Variants in FZD3 observed in about 807,000 individuals in gnomAD.
FZD3 encodes the protein frizzled class receptor 3.
Under a neutral mutation model 60.7 loss-of-function variants are expected in FZD3, and 30 were observed. That is an observed-to-expected ratio of 0.49 (90% confidence interval 0.37 to 0.67). The LOEUF is 0.67. FZD3 is among the 30% of genes least tolerant of loss of function. The probability of loss-of-function intolerance (pLI) is 0.00; values close to 1 mark genes in which losing one functional copy is unlikely to be tolerated. For missense variants in FZD3, 605 were observed against 838.7 expected (o/e 0.72, Z 3.44); for synonymous variants, 246 against 275.2 (o/e 0.89, Z 1.05).
At chr8:28,535,822 C>T (rs1260060089) in intron 5 of FZD3, among the ~76,000 whole-genome samples, 1 of 151,938 alleles carries the variant, frequency 6.6e-6, no homozygotes, top group Non-Finnish European at 1.5e-5. Context: ...TAATAATTTC[C>T]TCTATTTTTA....
At chr8:28,528,316 G>GTAAA in intron 5 of FZD3, 152 bp downstream of exon 5, 1 of 620,506 alleles carries the variant, frequency 1.6e-6, no homozygotes, top group Non-Finnish European at 2.8e-6. Flanking sequence ...ATATGTTGTA[G>GTAAA]TAAATATGTA....
chr8:28,554,080 A>G (rs535051930), intron 6 of FZD3, among the ~76,000 whole-genome samples: 2 of 152,372 alleles, frequency 1.3e-5, no homozygotes, highest in Admixed American at 1.3e-4. Context: ...ACATTGTGCT[A>G]ATCAAATTAA....
intron 3 of FZD3, among the ~76,000 whole-genome samples, chr8:28,507,850 A>G (rs774994786): frequency 6.6e-6 from 1 of 152,042 alleles, no homozygotes. Context: ...TTGAGGCTCA[A>G]AATATTCCAT....
In FZD3 at chr8:28,526,415, C is replaced by G. The variant is rs140888498; in HGVS notation, c.387-732C>G. 1.0e-3 allele frequency among the ~76,000 whole-genome samples: 157 copies of G among 152,182 alleles called. 1 individual carries two copies. The South Asian group carries it at 0.017, about 16-fold the overall frequency. The stretch of plus-strand genomic sequence containing the variant: ...TGTGAAGTCTTTCATAGTTCCTTCC[C>G]CTTATGTAACTAATCTCTGTCTTTA... On this transcript the variant is annotated intron_variant, in intron 4 of 7. Coordinates refer to ENST00000240093, the MANE Select transcript of FZD3 (RefSeq NM_017412.4).
At chr8:28,523,112 T>C (rs919486944) in intron 4 of FZD3, among the ~76,000 whole-genome samples, 1 of 152,170 alleles carries the variant, frequency 6.6e-6, no homozygotes, top group Non-Finnish European at 1.5e-5. Context: ...CTTTCATAGC[T>C]CTCATACTTT....
chr8:28,561,546 C>T (rs1408554846), intron 7 of FZD3, among the ~76,000 whole-genome samples: 1 of 151,402 alleles, frequency 6.6e-6, no homozygotes, highest in East Asian at 1.9e-4. Flanking sequence ...TTAACGCTTT[C>T]TGACAGCCAA....
At chr8:28,524,325 T>C (rs549399197) in intron 4 of FZD3, among the ~76,000 whole-genome samples, 1 of 152,358 alleles carries the variant, frequency 6.6e-6, no homozygotes, top group Admixed American at 6.5e-5. Flanking sequence ...GACCTCCAAA[T>C]AGACTGATTA....
intron 7 of FZD3, among the ~76,000 whole-genome samples, chr8:28,557,296 T>G (rs889914446): frequency 2.0e-5 from 3 of 151,858 alleles, no homozygotes; most frequent in Admixed American, 6.6e-5. Context: ...TGCTAAATAT[T>G]TTTTGGGGTG....
chr8:28,554,107 G>T (rs1047574964), intron 6 of FZD3, among the ~76,000 whole-genome samples: 3 of 152,216 alleles, frequency 2.0e-5, no homozygotes, highest in Non-Finnish European at 2.9e-5. Context: ...CCCCTTAAGT[G>T]AAGCCAGATT....
intron 5 of FZD3, 111 bp from the exon 6 acceptor site, chr8:28,551,492 G>A (rs545844465): frequency 1.3e-6 from 1 of 797,904 alleles, no homozygotes; most frequent in East Asian, 2.9e-5. Context: ...CTCCAGCCTG[G>A]GTGACAAGAA....
In FZD3 at chr8:28,496,096, TC is replaced by T. The variant is rs544454452; in HGVS notation, c.-391+1755del. ...ATTTAGGTGGCTATTTCTTGGGAGT[TC>T]CGTGATTGAGATATTTGAAGTAGAG... On this transcript the variant is annotated intron_variant, in intron 1 of 7. Transcript: ENST00000240093. Among the ~76,000 whole-genome samples, 1,107 of 152,350 alleles carry T rather than the reference TC, an allele frequency of 7.3e-3. 8 individuals carry two copies. The highest frequency in any genetic ancestry group is 0.012 in the Non-Finnish European group (797 of 68,038).
chr8:28,565,388 C>G lies in FZD3; in HGVS notation c.*2377C>G, dbSNP rs1301755871. ...ACTTATTTATCAATAATTCATGAAG[C>G]TTTTGTCTGAGAATCTCTCCTGCAA... On this transcript the variant is annotated 3_prime_UTR_variant, in exon 8 of 8. Transcript: ENST00000240093. The G allele has an allele frequency of 6.6e-6, 1 of 152,108 alleles. No individual in the cohort carries two copies. The highest frequency in any genetic ancestry group is 1.5e-5 in the Non-Finnish European group (1 of 68,000). 9.4% of individuals were successfully genotyped at this position (152,108 alleles called of 1,614,324 possible).
In FZD3 at chr8:28,571,837, T is replaced by C. The variant is rs1805811690; in HGVS notation, c.*8826T>C. 1 of 152,128 alleles carries C rather than the reference T, an allele frequency of 6.6e-6. No homozygotes were observed. Among genetic ancestry groups the C allele is most frequent in the Non-Finnish European group, 1.5e-5 (1 of 68,010 alleles). The allele number at this position is 152,128 out of a possible 1,614,324, so 9.4% of individuals were successfully genotyped here. On this transcript the variant is annotated 3_prime_UTR_variant, in exon 8 of 8. Transcript: ENST00000240093. ...TTTGACAACTCAAAAACGATTAAAT[T>C]ATCTTATCTTGTTATTTAATAGAAC...
intron 3 of FZD3, among the ~76,000 whole-genome samples, chr8:28,519,464 TCA>T (rs1240588665): frequency 6.6e-6 from 1 of 152,136 alleles, no homozygotes; most frequent in African/African-American, 2.4e-5. Flanking sequence ...GCATGGTGGC[TCA>T]TGCCTGTAAT....
chr8:28,509,382 G>T (rs1459456765), intron 3 of FZD3, among the ~76,000 whole-genome samples: 1 of 150,716 alleles, frequency 6.6e-6, no homozygotes, highest in Non-Finnish European at 1.5e-5. Flanking sequence ...CAGTTATAAC[G>T]TTTGTTTTCC....
At chr8:28,513,184 AT>A (rs756126772) in intron 3 of FZD3, among the ~76,000 whole-genome samples, 1 of 152,076 alleles carries the variant, frequency 6.6e-6, no homozygotes, top group Non-Finnish European at 1.5e-5. Flanking sequence ...TTTTTAATTT[AT>A]TTTCTTGTGT....
chr8:28,542,177 TTTCTC>T (rs1805184943), intron 5 of FZD3, among the ~76,000 whole-genome samples: 1 of 150,466 alleles, frequency 6.6e-6, no homozygotes, highest in Non-Finnish European at 1.5e-5. Flanking sequence ...TCTCCTACCA[TTTCTC>T]TTCCATCCAT....
At position 28,551,742 on chromosome 8, in the gene FZD3, G is replaced by A. The variant is rs1259931986; in HGVS notation, c.1544G>A (p.Arg515Lys). The change falls in exon 6 of 8, where the codon AGG becomes AAG. Residue 515 changes from arginine (R) to lysine (K), a missense_variant. By Grantham distance (26) the Arg-to-Lys change is conservative. Transcript: ENST00000240093. ...FEWASFFHGRRKKEIVNESRQ... is the reference protein window; with the variant it reads ...FEWASFFHGRKKKEIVNESRQ... Reference sequence around the variant, plus strand: ...TGGGCCAGTTTTTTTCATGGTCGTAGGAAAAAAGAGTAAGTTGAAATAAAT... The same window carrying A: ...TGGGCCAGTTTTTTTCATGGTCGTAAGAAAAAAGAGTAAGTTGAAATAAAT... 7 of 1,597,462 alleles carry A rather than the reference G, an allele frequency of 4.4e-6. No individual in the cohort carries two copies. Among genetic ancestry groups the A allele is most frequent in the Non-Finnish European group, 6.0e-6 (7 of 1,175,698 alleles).
rs1206075612 is a variant in FZD3, at chr8:28,571,884, A to ATT, written c.*8874_*8875dup. 1 of 152,206 alleles carries ATT rather than the reference A, an allele frequency of 6.6e-6. No individual in the cohort carries two copies. The highest frequency in any genetic ancestry group is 1.5e-5 in the Non-Finnish European group (1 of 68,034). 9.4% of individuals were successfully genotyped at this position (152,206 alleles called of 1,614,324 possible). A position where few individuals can be genotyped will look rare whatever the true frequency, so the allele number is the denominator to read the frequency against. On this transcript the variant is annotated 3_prime_UTR_variant, in exon 8 of 8. Transcript: ENST00000240093. ...GAACAATGGAAGCTGTTTCGTCAAA[A>ATT]TTAAAATACTTTACCAAAAAAATAC...
Sources: allele counts gnomAD v4.1 joint callset (sites outside exome capture counted in the v4.1 genomes callset), GRCh38; gene constraint gnomAD v4.1.1; transcripts MANE v1.5; gene names NCBI Gene and HGNC (gene_info 2026-07-23, HGNC 2026-07-21).